The following ZBTB8A variants were observed in gnomAD, a reference collection of about 807,000 sequenced individuals.
ZBTB8A encodes zinc finger and BTB domain-containing protein 8A.
Under a neutral mutation model 37.8 loss-of-function variants are expected in ZBTB8A, and 19 were observed. The observed-to-expected ratio is 0.50, with a 90% confidence interval of 0.35 to 0.74. The LOEUF (loss-of-function observed/expected upper bound fraction) is 0.74. Among genes scored for constraint, ZBTB8A ranks in the 30% least tolerant of loss-of-function variants. The pLI is 0.01. For missense variants in ZBTB8A, 394 were observed against 537.8 expected (o/e 0.73, Z 2.65); for synonymous variants, 181 against 185.2 (o/e 0.98, Z 0.19).
intron 4 of ZBTB8A, among the ~76,000 whole-genome samples, chr1:32,598,357 C>T (rs1260438708): frequency 6.6e-6 from 1 of 151,462 alleles, no homozygotes; most frequent in Non-Finnish European, 1.5e-5. Context: ...CTCAGCCTCC[C>T]GTGTAGCTGG....
intron 2 of ZBTB8A, among the ~76,000 whole-genome samples, chr1:32,575,520 C>T (rs574866256): frequency 6.6e-6 from 1 of 151,948 alleles, no homozygotes; most frequent in Admixed American, 6.6e-5. Flanking sequence ...CCACCGCGCC[C>T]GGCCCATCTT....
At chr1:32,544,155 A>C (rs1290872573) in intron 1 of ZBTB8A, among the ~76,000 whole-genome samples, 2 of 152,218 alleles carry the variant, frequency 1.3e-5, no homozygotes, top group Admixed American at 1.3e-4. Flanking sequence ...TTTAAGGTTC[A>C]CCCATGTTGT....
At chr1:32,575,990 A>G (rs1644356734) in intron 2 of ZBTB8A, among the ~76,000 whole-genome samples, 1 of 152,300 alleles carries the variant, frequency 6.6e-6, no homozygotes, top group Middle Eastern at 3.4e-3. Context: ...CCCTCATCAC[A>G]ATATGCATTT....
intron 2 of ZBTB8A, among the ~76,000 whole-genome samples, chr1:32,577,583 A>ATTTTT (rs1475672305): frequency 2.1e-5 from 2 of 93,822 alleles, no homozygotes; most frequent in African/African-American, 4.2e-5. Flanking sequence ...CAGATATTGT[A>ATTTTT]TTCTTTTTTT....
At chr1:32,579,239 A>G (rs1371136203) in intron 2 of ZBTB8A, among the ~76,000 whole-genome samples, 1 of 152,080 alleles carries the variant, frequency 6.6e-6, no homozygotes, top group African/African-American at 2.4e-5. Flanking sequence ...ACCTAAGGTT[A>G]GGAGTTCAAG....
Position 32,603,032 on chromosome 1 carries a change from G to C in ZBTB8A, c.*2613G>C, listed in dbSNP as rs1054405695. The stretch of plus-strand genomic sequence containing the variant: ...CACTTGTTTCATGGTACTTAATTGA[G>C]ACTTTTTCAAGATTCCCCTGATGGC... On this transcript the variant is annotated 3_prime_UTR_variant, in exon 5 of 5. Coordinates refer to ENST00000373510, the MANE Select transcript of ZBTB8A (RefSeq NM_001040441.3). 1 of 152,108 alleles carries C rather than the reference G, an allele frequency of 6.6e-6. No individual in the cohort carries two copies. Among genetic ancestry groups the C allele is most frequent in the African/African-American group, 2.4e-5 (1 of 41,424 alleles). The allele number at this position is 152,108 out of a possible 1,614,324, so 9.4% of individuals were successfully genotyped here.
intron 2 of ZBTB8A, among the ~76,000 whole-genome samples, chr1:32,568,953 A>G (rs948849114): frequency 4.6e-5 from 7 of 152,158 alleles, no homozygotes; most frequent in African/African-American, 1.7e-4. Context: ...TTTTGTAGTC[A>G]TGTGTTTTCA....
chr1:32,561,960 T>C (rs539868604), intron 2 of ZBTB8A, among the ~76,000 whole-genome samples: 1 of 152,082 alleles, frequency 6.6e-6, no homozygotes, highest in African/African-American at 2.4e-5. Context: ...TTTTATTTAT[T>C]TTTATTTGAG....
Position 32,600,472 on chromosome 1 carries a change from G to A in ZBTB8A, c.*53G>A, listed in dbSNP as rs1644567417. 1 of 1,322,864 alleles carries A rather than the reference G, an allele frequency of 7.6e-7. No homozygotes were observed. The highest frequency in any genetic ancestry group is 1.0e-6 in the Non-Finnish European group (1 of 952,734). 81.9% of individuals were successfully genotyped at this position (1,322,864 alleles called of 1,614,324 possible). On this transcript the variant is annotated 3_prime_UTR_variant, in exon 5 of 5. Transcript: ENST00000373510. ...TGTCTGCAATTTACATTGACTTCCT[G>A]TATCTCTCTCTTTCTATGGTCGGAG...
chr1:32,585,395 A>G (rs1644440259), intron 2 of ZBTB8A, among the ~76,000 whole-genome samples: 1 of 152,054 alleles, frequency 6.6e-6, no homozygotes, highest in Admixed American at 6.6e-5. Flanking sequence ...TAATATACAA[A>G]TATGAATAGT....
At position 32,554,537 on chromosome 1, in the gene ZBTB8A, TC is replaced by T. The variant is rs571075564; in HGVS notation, c.-2+998del. ...ATTTTTGAGATGTAGTCTGGCTCTG[TC>T]GGCCAGACTGGAGTGCAGAGGCAAC... On this transcript the variant is annotated intron_variant, in intron 2 of 4. Transcript: ENST00000373510. Among the ~76,000 whole-genome samples, 14 of 151,608 alleles carry T rather than the reference TC, an allele frequency of 9.2e-5. No homozygotes were observed. In the South Asian group the frequency reaches 2.9e-3, roughly 32 times the overall value.
In ZBTB8A at chr1:32,600,569, C is replaced by A. The variant is rs1052758529; in HGVS notation, c.*150C>A. 4.7e-6 allele frequency: 3 copies of A among 632,514 alleles called. No individual in the cohort carries two copies. The highest frequency in any genetic ancestry group is 3.7e-5 in the African/African-American group (2 of 54,402). The allele number at this position is 632,514 out of a possible 1,614,324, so 39.2% of individuals were successfully genotyped here. On this transcript the variant is annotated 3_prime_UTR_variant, in exon 5 of 5. Transcript: ENST00000373510. ...ATAACTTGCATGCTTTCTGAACAGGCCATTGTATCCATTCTGAACTTTGTT... is the reference window on the plus strand; with the variant it reads ...ATAACTTGCATGCTTTCTGAACAGGACATTGTATCCATTCTGAACTTTGTT...
In ZBTB8A at chr1:32,600,679, ACAATCCTCTTACTTTATTC is replaced by A; in HGVS notation, c.*263_*281del. The A allele has an allele frequency of 2.7e-6, 1 of 365,364 alleles. No homozygotes were observed. Among genetic ancestry groups the A allele is most frequent in the Non-Finnish European group, 5.0e-6 (1 of 201,712 alleles). 22.6% of individuals were successfully genotyped at this position (365,364 alleles called of 1,614,324 possible). A position where few individuals can be genotyped will look rare whatever the true frequency, so the allele number is the denominator to read the frequency against. Reference sequence around the variant, plus strand: ...GAACAATTATCCTCTTACTTTCATTACAATCCTCTTACTTTATTCCAGAGATACCTTTTTCTTTTAATAT... The same window carrying A: ...GAACAATTATCCTCTTACTTTCATTACAGAGATACCTTTTTCTTTTAATAT... On this transcript the variant is annotated 3_prime_UTR_variant, in exon 5 of 5. Transcript: ENST00000373510.
At chr1:32,559,577 A>G (rs1267716978) in intron 2 of ZBTB8A, among the ~76,000 whole-genome samples, 2 of 151,650 alleles carry the variant, frequency 1.3e-5, no homozygotes, top group Non-Finnish European at 1.5e-5. Context: ...TGATCCTCCT[A>G]CCGCACCCTC....
chr1:32,588,005 C>T (rs1057030941), intron 2 of ZBTB8A, among the ~76,000 whole-genome samples: 1 of 152,134 alleles, frequency 6.6e-6, no homozygotes, highest in African/African-American at 2.4e-5. Context: ...TGTGGAGGTT[C>T]CTGGAGGGTG....
intron 3 of ZBTB8A, 145 bp downstream of exon 3, chr1:32,593,899 T>TAC (rs1644509594): frequency 1.4e-6 from 1 of 702,210 alleles, no homozygotes; most frequent in Non-Finnish European, 2.3e-6. Flanking sequence ...GTAATGAAAT[T>TAC]TATTTAGTAA....
intron 2 of ZBTB8A, among the ~76,000 whole-genome samples, chr1:32,570,444 C>G (rs1010348060): frequency 6.6e-6 from 1 of 152,162 alleles, no homozygotes; most frequent in Admixed American, 6.6e-5. Context: ...ATACTTTCTA[C>G]AGAGATAAAT....
chr1:32,558,962 T>C (rs1231164426), intron 2 of ZBTB8A, among the ~76,000 whole-genome samples: 3 of 152,182 alleles, frequency 2.0e-5, no homozygotes, highest in Non-Finnish European at 4.4e-5. Flanking sequence ...TGTACTCTTA[T>C]AAACCCCCAT....
rs577763701 is a variant in ZBTB8A at position 32,597,758 on chromosome 1, T to C, written c.994-2329T>C. Among the ~76,000 whole-genome samples, 22 of 152,270 alleles carry C rather than the reference T, an allele frequency of 1.4e-4. No individual in the cohort carries two copies. The South Asian group carries it at 4.4e-3, about 30-fold the overall frequency. On this transcript the variant is annotated intron_variant, in intron 4 of 4. Coordinates refer to ENST00000373510, the MANE Select transcript of ZBTB8A (RefSeq NM_001040441.3). ...ACCCATAGTTTTGTTTGTTTGTTTG[T>C]TTGTTTTTTGAGACAGAGTCTCGTT...
Sources: allele counts gnomAD v4.1 joint callset (sites outside exome capture counted in the v4.1 genomes callset), GRCh38; gene constraint gnomAD v4.1.1; transcripts MANE v1.5; gene names NCBI Gene and HGNC (gene_info 2026-07-23, HGNC 2026-07-21).